The following KAZN variants were observed in gnomAD, a reference collection of about 807,000 sequenced individuals.
KAZN encodes kazrin.
Under a neutral mutation model 87.4 loss-of-function variants are expected in KAZN, and 40 were observed. The observed-to-expected ratio is 0.46, with a 90% CI of 0.36 to 0.60. KAZN has a LOEUF of 0.60. Ranked by LOEUF, KAZN falls within the 20% of genes least tolerant of loss-of-function variation. The probability of loss-of-function intolerance (pLI) is 0.00; values close to 1 mark genes in which losing one functional copy is unlikely to be tolerated. For missense variants in KAZN, 898 were observed against 1,073.9 expected, an observed-to-expected ratio of 0.84 and a Z score of 2.29; for synonymous variants, 466 against 458.3, an observed-to-expected ratio of 1.02 and a Z score of -0.22.
intron 1 of KAZN, among the ~76,000 whole-genome samples, chr1:14,027,212 C>A (rs543433563): frequency 1.3e-5 from 2 of 152,130 alleles, no homozygotes; most frequent in Non-Finnish European, 2.9e-5. Flanking sequence ...CTCAAAGCAC[C>A]GCTTGGTTCT....
chr1:13,941,068 C>T (rs1640908123), intron 1 of KAZN, among the ~76,000 whole-genome samples: 1 of 152,046 alleles, frequency 6.6e-6, no homozygotes, highest in Non-Finnish European at 1.5e-5. Context: ...GTAGCACATG[C>T]CTATAATCCC....
At chr1:13,899,658 T>TC (rs1639172148) in intron 1 of KAZN, among the ~76,000 whole-genome samples, 1 of 151,588 alleles carries the variant, frequency 6.6e-6, no homozygotes, top group African/African-American at 2.4e-5. Context: ...TTTTTTTTTT[T>TC]TTTGAGGTGG....
chr1:15,046,429 G>A (rs1228223965), intron 4 of KAZN, among the ~76,000 whole-genome samples: 2 of 151,212 alleles, frequency 1.3e-5, no homozygotes, highest in African/African-American at 2.5e-5. Flanking sequence ...GGGAGAGGAA[G>A]GATTGGCTTT....
intron 1 of KAZN, among the ~76,000 whole-genome samples, chr1:14,080,414 G>A (rs1643630044): frequency 6.7e-6 from 1 of 148,288 alleles, no homozygotes; most frequent in Non-Finnish European, 1.5e-5. Context: ...GATTCCTCTG[G>A]TGCTGTAAGA....
In KAZN at chr1:13,983,615, C is replaced by T. The variant is rs189535703; in HGVS notation, c.91+89859C>T. On this transcript the variant is annotated intron_variant, in intron 1 of 16. Transcript: ENST00000636203. Reference sequence around the variant, plus strand: ...CCAGCCCAGAAAGGGGCTCCCACAGCGAAGCGATGGGCTGAAGGGCTCCTC... The same window carrying T: ...CCAGCCCAGAAAGGGGCTCCCACAGTGAAGCGATGGGCTGAAGGGCTCCTC... 6.2e-4 allele frequency among the ~76,000 whole-genome samples: 95 copies of T among 152,326 alleles called. 1 individual carries two copies. The East Asian group carries it at 0.013, about 21-fold the overall frequency.
At position 13,987,140 on chromosome 1, in the gene KAZN, TG is replaced by T. The variant is rs765411703; in HGVS notation, c.91+93385del. On this transcript the variant is annotated intron_variant, in intron 1 of 16. Transcript: ENST00000636203. ...AATTTTATGACAGGAGAGACTTTTT[TG>T]TTGTTGTTTTTTGGTTAATTTTTTT... Among the ~76,000 whole-genome samples the T allele has an allele frequency of 9.6e-4, 146 of 152,290 alleles. 1 individual carries two copies. Among genetic ancestry groups the T allele is most frequent in the Admixed American group, 1.7e-3 (26 of 15,300 alleles).
At chr1:14,287,352 C>T (rs1653334793) in intron 2 of KAZN, among the ~76,000 whole-genome samples, 2 of 152,200 alleles carry the variant, frequency 1.3e-5, no homozygotes, top group Admixed American at 6.5e-5. Flanking sequence ...AGTGAGGCCA[C>T]AGCAGAAACC....
intron 1 of KAZN, among the ~76,000 whole-genome samples, chr1:14,740,654 G>A (rs780919913): frequency 6.6e-6 from 1 of 152,156 alleles, no homozygotes. Context: ...CGCTCTGGCC[G>A]CCCGCACTCC....
chr1:14,956,875 G>A (rs1663177398), intron 1 of KAZN, among the ~76,000 whole-genome samples: 1 of 152,142 alleles, frequency 6.6e-6, no homozygotes. Flanking sequence ...GACCTCTCCA[G>A]CCTTCCTCCT....
chr1:14,795,811 T>TG (rs1475042572), intron 1 of KAZN, among the ~76,000 whole-genome samples: 1 of 152,200 alleles, frequency 6.6e-6, no homozygotes, highest in African/African-American at 2.4e-5. Context: ...CCTTTGCACA[T>TG]GCTGTTGCCT....
chr1:14,331,761 TC>T, intron 2 of KAZN, among the ~76,000 whole-genome samples: 1 of 152,212 alleles, frequency 6.6e-6, no homozygotes, highest in African/African-American at 2.4e-5. Context: ...ATCCCCTGCT[TC>T]CCCCTACCAG....
intron 1 of KAZN, among the ~76,000 whole-genome samples, chr1:13,983,200 G>T (rs998407942): frequency 1.3e-5 from 2 of 152,262 alleles, no homozygotes; most frequent in Admixed American, 6.5e-5. Flanking sequence ...GGGACTGGGT[G>T]CCGTGGAGCA....
intron 2 of KAZN, among the ~76,000 whole-genome samples, chr1:14,419,384 G>C (rs1665158015): frequency 6.6e-6 from 1 of 152,114 alleles, no homozygotes. Flanking sequence ...TCATTGCCTG[G>C]GAAGCCACCA....
At chr1:14,177,045 C>T (rs1278630144) in intron 1 of KAZN, among the ~76,000 whole-genome samples, 1 of 152,064 alleles carries the variant, frequency 6.6e-6, no homozygotes, top group Non-Finnish European at 1.5e-5. Flanking sequence ...GTAGTCCCAG[C>T]TACTCGGGAG....
rs563242734 is a variant in KAZN, at chr1:15,087,968, C to A, written c.1223-6212C>A. On this transcript the variant is annotated intron_variant, in intron 8 of 14. Transcript: ENST00000376030. The stretch of plus-strand genomic sequence containing the variant: ...AAACCGAGGTTGAGAAAATGTAAAA[C>A]GCTTCCGTGAGATCTTTTGGTTGAT... Among the ~76,000 whole-genome samples, 12 of 152,324 alleles carry A rather than the reference C, an allele frequency of 7.9e-5. No individual in the cohort carries two copies. The East Asian group carries it at 2.3e-3, about 29-fold the overall frequency.
At chr1:14,946,260 G>T (rs1661762380) in intron 1 of KAZN, 1 of 151,906 alleles carries the variant, frequency 6.6e-6, no homozygotes, top group Non-Finnish European at 1.5e-5. Flanking sequence ...GGGAGACAGT[G>T]AGTCCCCAGG....
At chr1:14,111,928 C>T (rs1029013669) in intron 1 of KAZN, among the ~76,000 whole-genome samples, 6 of 151,928 alleles carry the variant, frequency 3.9e-5, no homozygotes, top group East Asian at 1.9e-4. Flanking sequence ...TTAGTAGAGA[C>T]GGGCTTTCAC....
At chr1:14,457,944 A>G (rs1435087854) in intron 2 of KAZN, among the ~76,000 whole-genome samples, 1 of 151,394 alleles carries the variant, frequency 6.6e-6, no homozygotes, top group Non-Finnish European at 1.5e-5. Context: ...CAGCCTCCCA[A>G]GTAGCTGGGA....
chr1:14,166,668 A>G (rs1358487439), intron 1 of KAZN, among the ~76,000 whole-genome samples: 2 of 152,160 alleles, frequency 1.3e-5, no homozygotes, highest in Admixed American at 6.5e-5. Context: ...ATTTTGTACT[A>G]TATATTTTAA....
Sources: gnomAD v4.1 joint callset for allele counts (sites outside exome capture counted in the v4.1 genomes callset) on GRCh38, gnomAD v4.1.1 for gene constraint, MANE v1.5 for transcripts, NCBI Gene and HGNC (gene_info 2026-07-23, HGNC 2026-07-21) for gene names.